Variants in CNTN5 observed in about 807,000 individuals in gnomAD.
CNTN5 encodes contactin 5, also known as contactin-5.
In CNTN5, 77 loss-of-function variants were observed where a neutral mutation model predicts 129.1. That is an observed-to-expected ratio of 0.60 (90% CI 0.50 to 0.72). The LOEUF is 0.72. CNTN5 is among the 30% of genes least tolerant of loss of function. The pLI, the probability that CNTN5 is intolerant of heterozygous loss-of-function variation, is 0.00. For synonymous variants in CNTN5, 509 were observed against 465.6 expected (o/e 1.09, Z -1.20); for missense variants, 1,478 against 1,328.8 (o/e 1.11, Z -1.75).
chr11:99,658,435 G>T (rs144685494), intron 3 of CNTN5, among the ~76,000 whole-genome samples: 1 of 152,124 alleles, frequency 6.6e-6, no homozygotes, highest in Admixed American at 6.5e-5. Context: ...TTATATTCCA[G>T]TTTTTTCTTA....
chr11:99,842,584 CTTA>C (rs1947545985), intron 4 of CNTN5, among the ~76,000 whole-genome samples: 2 of 152,082 alleles, frequency 1.3e-5, no homozygotes, highest in African/African-American at 2.4e-5. Context: ...GTCTATAACA[CTTA>C]TTATATGTGA....
intron 1 of CNTN5, among the ~76,000 whole-genome samples, chr11:99,035,135 T>C (rs1022474482): frequency 1.3e-5 from 2 of 151,182 alleles, no homozygotes; most frequent in African/African-American, 4.9e-5. Flanking sequence ...GTCTGAGAGA[T>C]AGTTTGTTAT....
At chr11:99,353,201 T>C (rs978701459) in intron 2 of CNTN5, among the ~76,000 whole-genome samples, 6 of 152,176 alleles carry the variant, frequency 3.9e-5, no homozygotes, top group African/African-American at 1.2e-4. Flanking sequence ...CTCAATAATA[T>C]GAGGAAAAGG....
At chr11:99,610,712 T>C (rs1338071088) in intron 3 of CNTN5, among the ~76,000 whole-genome samples, 2 of 152,224 alleles carry the variant, frequency 1.3e-5, no homozygotes, top group Middle Eastern at 6.8e-3. Context: ...TAGGAAATGA[T>C]AAAAGTTAGA....
intron 4 of CNTN5, among the ~76,000 whole-genome samples, chr11:99,836,389 G>A (rs939863964): frequency 1.7e-4 from 25 of 150,724 alleles, no homozygotes; most frequent in Non-Finnish European, 2.7e-4. Context: ...GAGAACATGC[G>A]GTGTTTGGTT....
intron 1 of CNTN5, among the ~76,000 whole-genome samples, chr11:99,303,895 A>G (rs536320450): frequency 6.6e-6 from 1 of 152,248 alleles, no homozygotes; most frequent in South Asian, 2.1e-4. Context: ...GTAACACCAT[A>G]GTGTCTAATA....
intron 13 of CNTN5, among the ~76,000 whole-genome samples, chr11:100,126,499 T>C (rs1946187644): frequency 1.3e-5 from 2 of 151,794 alleles, no homozygotes; most frequent in Admixed American, 6.6e-5. Flanking sequence ...CTAACTCTTC[T>C]TGTTGAATTG....
At chr11:99,791,304 T>G (rs1945733740) in intron 3 of CNTN5, among the ~76,000 whole-genome samples, 1 of 152,190 alleles carries the variant, frequency 6.6e-6, no homozygotes, top group Non-Finnish European at 1.5e-5. Context: ...TTGACCCATC[T>G]TGAGTTGCTT....
chr11:99,752,222 T>C (rs1944259504), intron 3 of CNTN5, among the ~76,000 whole-genome samples: 1 of 152,198 alleles, frequency 6.6e-6, no homozygotes, highest in Non-Finnish European at 1.5e-5. Flanking sequence ...ACAGCCTTTA[T>C]TGAGGAAGCG....
At chr11:99,275,397 A>G (rs1193736430) in intron 1 of CNTN5, among the ~76,000 whole-genome samples, 1 of 151,596 alleles carries the variant, frequency 6.6e-6, no homozygotes, top group African/African-American at 2.4e-5. Flanking sequence ...TTCATATTTT[A>G]TCTTTCTACC....
chr11:99,818,803 T>C (rs1183662653), intron 3 of CNTN5, among the ~76,000 whole-genome samples: 3 of 152,188 alleles, frequency 2.0e-5, no homozygotes, highest in African/African-American at 7.2e-5. Flanking sequence ...AATTAAAATA[T>C]GAAATTTATC....
intron 1 of CNTN5, among the ~76,000 whole-genome samples, chr11:99,125,836 A>G (rs1420763984): frequency 1.3e-5 from 2 of 152,168 alleles, no homozygotes; most frequent in East Asian, 3.8e-4. Context: ...TTTGACTTTT[A>G]ACATCACAAA....
At chr11:100,281,376 G>T (rs995296407) in intron 18 of CNTN5, among the ~76,000 whole-genome samples, 2 of 151,912 alleles carry the variant, frequency 1.3e-5, no homozygotes, top group African/African-American at 4.8e-5. Context: ...TATGGTAAAA[G>T]TTTTTTTTCA....
chr11:100,248,989 C>T (rs1949906659), intron 16 of CNTN5, among the ~76,000 whole-genome samples: 1 of 152,146 alleles, frequency 6.6e-6, no homozygotes, highest in Non-Finnish European at 1.5e-5. Context: ...ACCTTCAAAG[C>T]AAGAAGACTC....
chr11:99,695,840 C>T (rs1265239771), intron 3 of CNTN5, among the ~76,000 whole-genome samples: 5 of 152,124 alleles, frequency 3.3e-5, no homozygotes, highest in East Asian at 1.9e-4. Context: ...ACTAGATTTA[C>T]TTGTGCTTTG....
intron 3 of CNTN5, among the ~76,000 whole-genome samples, chr11:99,564,807 C>A (rs1948951179): frequency 6.6e-6 from 1 of 152,138 alleles, no homozygotes; most frequent in Admixed American, 6.6e-5. Context: ...CAGGATTTAT[C>A]TACTTTCAAT....
chr11:100,255,724 T>G (rs1424678292), intron 16 of CNTN5, 36 bp from the exon 17 acceptor site: 1 of 1,578,536 alleles, frequency 6.3e-7, no homozygotes, highest in Non-Finnish European at 8.7e-7. Context: ...TGATAATAAT[T>G]TGTGCTTAAC....
chr11:99,163,579 A>T (rs1346675792), intron 1 of CNTN5, among the ~76,000 whole-genome samples: 1 of 152,148 alleles, frequency 6.6e-6, no homozygotes, highest in Non-Finnish European at 1.5e-5. Flanking sequence ...TTGTTTATAT[A>T]TTTCTTAGTA....
intron 2 of CNTN5, among the ~76,000 whole-genome samples, chr11:99,523,655 A>C: frequency 3.7e-5 from 1 of 27,264 alleles, no homozygotes; most frequent in South Asian, 2.0e-3. Flanking sequence ...AGAATAGAAC[A>C]GAACAGATCA....
Sources: gnomAD v4.1 joint callset for allele counts (sites outside exome capture counted in the v4.1 genomes callset) on GRCh38, gnomAD v4.1.1 for gene constraint, MANE v1.5 for transcripts, NCBI Gene and HGNC (gene_info 2026-07-23, HGNC 2026-07-21) for gene names.